PRSS50: variants seen among roughly 807,000 people sequenced by gnomAD.
The protein encoded by PRSS50 is serine protease 50, also known as probable threonine protease PRSS50.
PRSS50 carries 23 observed loss-of-function variants against 34.2 expected under a neutral mutation model. The observed-to-expected ratio is 0.67, with a 90% CI of 0.48 to 0.95. The LOEUF (loss-of-function observed/expected upper bound fraction) is 0.95, where lower values mean the gene tolerates loss of function less well. PRSS50 is among the 40% of genes least tolerant of loss of function. The pLI is 0.00. For missense variants in PRSS50, 484 were observed against 513.4 expected, an observed-to-expected ratio of 0.94 and a Z score of 0.55; for synonymous variants, 224 against 211.2, an observed-to-expected ratio of 1.06 and a Z score of -0.53.
chr3:46,713,452 G>A (rs1700644172), intron 4 of PRSS50, among the ~76,000 whole-genome samples: 1 of 152,226 alleles, frequency 6.6e-6, no homozygotes, highest in South Asian at 2.1e-4. Context: ...CCTCCATGGA[G>A]GCCAGGCACT....
chr3:46,714,563 T>C, intron 3 of PRSS50, 62 bp from the exon 4 acceptor site: 1 of 1,474,320 alleles, frequency 6.8e-7, no homozygotes, highest in Non-Finnish European at 9.0e-7. Flanking sequence ...GCCTCCAGCC[T>C]GGGCCTTCCC....
chr3:46,714,162 T>C, intron 4 of PRSS50, 56 bp downstream of exon 4: 13 of 1,576,394 alleles, frequency 8.2e-6, no homozygotes, highest in Admixed American at 1.7e-5. Context: ...CACCCTGGCC[T>C]GCACCCACGT....
intron 5 of PRSS50, 41 bp from the exon 6 acceptor site, chr3:46,712,523 G>A: frequency 1.3e-6 from 2 of 1,595,610 alleles, no homozygotes; most frequent in Non-Finnish European, 1.7e-6. Flanking sequence ...GGGAGGCCAG[G>A]CAAGGCCAGA....
rs1227096844 is a variant in PRSS50, at chr3:46,715,615, C to A, written c.390G>T (p.Val130=). ...VARRWPWMVS[V]RANGTHICAG... is the part of the protein sequence containing the mutation. ...CACAGATGTGTGTGCCATTGGCCCGCACGCTGACCATCCAGGGCCACCGCC... is the reference window on the plus strand; with the variant it reads ...CACAGATGTGTGTGCCATTGGCCCGAACGCTGACCATCCAGGGCCACCGCC... Residue 130 remains valine (V), a synonymous_variant, in exon 3 of 6, where the codon GTG becomes GTT. Coordinates refer to ENST00000315170, the MANE Select transcript of PRSS50 (RefSeq NM_013270.5). This position sits in a 1 kb window ranked among gnomAD's most constrained non-coding sequence, Gnocchi z 5.2. The A allele has an allele frequency of 6.2e-7, 1 of 1,613,122 alleles. No homozygotes were observed. Among genetic ancestry groups the A allele is most frequent in the Non-Finnish European group, 8.5e-7 (1 of 1,179,790 alleles).
chr3:46,713,051 G>A lies in PRSS50; in HGVS notation c.771C>T (p.Phe257=), dbSNP rs1180411885. 1.2e-6 allele frequency: 2 copies of A among 1,613,946 alleles called. No individual in the cohort carries two copies. The highest frequency in any genetic ancestry group is 2.2e-5 in the East Asian group (1 of 44,882). ...TGACTTCCTTCTCCTGAATGGTCCG[G>A]AACTGAGGCCACATGCCTGTGGGAC... ...LSKADGMWPQ[F]RTIQEKEVII... is the part of the protein sequence containing the mutation. The change falls in exon 5 of 6, where the codon TTC becomes TTT. Residue 257 remains phenylalanine, a synonymous_variant. Transcript: ENST00000315170.
At position 46,712,520 on chromosome 3, in the gene PRSS50, C is replaced by T. The variant is rs535649968; in HGVS notation, c.922-38G>A. 14 of 1,596,726 alleles carry T rather than the reference C, an allele frequency of 8.8e-6. No individual in the cohort carries two copies. In the South Asian group the frequency reaches 1.4e-4, roughly 16 times the overall value. ...TTGGGGGAGTAAGGGTCAGGGAGGC[C>T]AGGCAAGGCCAGAGACGACCCAGCT... is the stretch of plus-strand genomic sequence containing the variant. On this transcript the variant is annotated intron_variant, in intron 5 of 5. Coordinates refer to ENST00000315170, the MANE Select transcript of PRSS50 (RefSeq NM_013270.5).
Position 46,717,388 on chromosome 3 carries a change from TC to T in PRSS50, c.307+48del, listed in dbSNP as rs1196384943. ...TAGCCCCAGCCAAGGTCCTTAAGAC[TC>T]CTCTGTCACCCTCCTTGCCCCACGG... On this transcript the variant is annotated intron_variant, in intron 2 of 5. Coordinates refer to ENST00000315170, the MANE Select transcript of PRSS50 (RefSeq NM_013270.5). This position sits in a 1 kb window ranked among gnomAD's most constrained non-coding sequence, Gnocchi z 4.5. 1 of 1,599,896 alleles carries T rather than the reference TC, an allele frequency of 6.3e-7. No individual in the cohort carries two copies. The highest frequency in any genetic ancestry group is 1.3e-5 in the African/African-American group (1 of 74,446).
chr3:46,715,415 G>C lies in PRSS50; in HGVS notation c.470+120C>G, dbSNP rs1559498825. 7.6e-7 allele frequency: 1 copy of C among 1,314,980 alleles called. No homozygotes were observed. The highest frequency in any genetic ancestry group is 2.5e-5 in the East Asian group (1 of 40,094). 81.5% of individuals were successfully genotyped at this position (1,314,980 alleles called of 1,614,324 possible). On this transcript the variant is annotated intron_variant, in intron 3 of 5. Coordinates refer to ENST00000315170, the MANE Select transcript of PRSS50 (RefSeq NM_013270.5). This position sits in a 1 kb window ranked among gnomAD's most constrained non-coding sequence, Gnocchi z 5.2. ...TTCAGGACTCAGCCTCCACCTGCTT[G>C]GAGCCCAGATGAGGCTGGGGCTGGG...
At position 46,717,105 on chromosome 3, in the gene PRSS50, G is replaced by A. The variant is rs144612010; in HGVS notation, c.307+332C>T. On this transcript the variant is annotated intron_variant, in intron 2 of 5. Transcript: ENST00000315170. The surrounding 1 kb of genome is among the most constrained non-coding windows in gnomAD (Gnocchi z 4.5). ...AGCCTGGGTCAGAGGCATGATGGGT[G>A]TCAGGGCCTGGAGCAGGGTGAGAGG... Among the ~76,000 whole-genome samples the A allele has an allele frequency of 6.6e-6, 1 of 152,210 alleles. No homozygotes were observed. The highest frequency in any genetic ancestry group is 1.9e-4 in the East Asian group (1 of 5,182).
intron 4 of PRSS50, 142 bp downstream of exon 4, chr3:46,714,076 T>G: frequency 1.2e-5 from 13 of 1,101,404 alleles, no homozygotes; most frequent in Non-Finnish European, 1.5e-5. Context: ...ACCTCAGAGA[T>G]GAGAGCCTGG....
intron 3 of PRSS50, 106 bp from the exon 4 acceptor site, chr3:46,714,607 G>A (rs1700657775): frequency 7.6e-7 from 1 of 1,317,648 alleles, no homozygotes; most frequent in Non-Finnish European, 1.0e-6. Flanking sequence ...ATCCAGGAGG[G>A]GCCACCCACC....
chr3:46,712,637 C>T (rs1472191555), intron 5 of PRSS50, among the ~76,000 whole-genome samples, 155 bp from the exon 6 acceptor site: 1 of 151,920 alleles, frequency 6.6e-6, no homozygotes, highest in African/African-American at 2.4e-5. Context: ...AGCTCTTCCT[C>T]AAAGGGTTTC....
rs1479219751 is a variant in PRSS50 at position 46,712,496 on chromosome 3, T to TGGGGGAGTAAGGGTCAGGG, written c.922-33_922-15dup. The TGGGGGAGTAAGGGTCAGGG allele has an allele frequency of 6.2e-7, 1 of 1,613,082 alleles. No homozygotes were observed. ...TCCAGTTAGCTCCTGTGGGAAGGGTTGGGGGAGTAAGGGTCAGGGAGGCCA... is the reference window on the plus strand; with the variant it reads ...TCCAGTTAGCTCCTGTGGGAAGGGTTGGGGGAGTAAGGGTCAGGGGGGGGAGTAAGGGTCAGGGAGGCCA... On this transcript the variant is annotated splice_polypyrimidine_tract_variant and intron_variant, in intron 5 of 5. Transcript: ENST00000315170.
In PRSS50 at chr3:46,715,219, G is replaced by A. The variant is rs746260937; in HGVS notation, c.470+316C>T. Among the ~76,000 whole-genome samples the A allele has an allele frequency of 3.3e-5, 5 of 152,238 alleles. No individual in the cohort carries two copies. The highest frequency in any genetic ancestry group is 5.9e-5 in the Non-Finnish European group (4 of 68,044). Reference sequence around the variant, plus strand: ...GAGGAACAAGGATGTGGGTGCAAAGGGGGTGAAATGAAAGAACTAGGAGCT... The same window carrying A: ...GAGGAACAAGGATGTGGGTGCAAAGAGGGTGAAATGAAAGAACTAGGAGCT... On this transcript the variant is annotated intron_variant, in intron 3 of 5. Coordinates refer to ENST00000315170, the MANE Select transcript of PRSS50 (RefSeq NM_013270.5). This position sits in a 1 kb window ranked among gnomAD's most constrained non-coding sequence, Gnocchi z 5.2.
At chr3:46,714,090 G>A in intron 4 of PRSS50, 128 bp downstream of exon 4, 2 of 1,228,744 alleles carry the variant, frequency 1.6e-6, no homozygotes, top group Non-Finnish European at 2.2e-6. Flanking sequence ...AGCCTGGCAG[G>A]AAGGTCCCGG....
intron 5 of PRSS50, among the ~76,000 whole-genome samples, chr3:46,712,690 C>G (rs192166929): frequency 6.6e-6 from 1 of 150,636 alleles, no homozygotes; most frequent in South Asian, 2.1e-4. Context: ...CCCCACGGAC[C>G]CCCCACTCCT....
At chr3:46,714,930 C>T (rs114939014) in intron 3 of PRSS50, among the ~76,000 whole-genome samples, 252 of 152,338 alleles carry the variant, frequency 1.7e-3, no homozygotes, top group African/African-American at 5.6e-3. Context: ...TAGCTGCGCA[C>T]CCCGGGGTAC....
Position 46,714,428 on chromosome 3 carries a change from G to A in PRSS50, c.544C>T (p.Pro182Ser). 1 of 1,611,968 alleles carries A rather than the reference G, an allele frequency of 6.2e-7. No individual in the cohort carries two copies. Among genetic ancestry groups the A allele is most frequent in the Non-Finnish European group, 8.5e-7 (1 of 1,179,170 alleles). The change falls in exon 4 of 6, where the codon CCG becomes TCG. Residue 182 changes from proline to serine, a missense_variant. By Grantham distance (74) the Pro-to-Ser change is moderately conservative. Transcript: ENST00000315170. ...CTATGCATGATGACCTGGAGCACCG[G>A]GACATCGGAGGCGGTCTGCGTCATC... is the stretch of plus-strand genomic sequence containing the variant. The part of the protein sequence containing the change: ...DQMTQTASDV[P>S]VLQVIMHSRY...
rs1700668801 is a variant in PRSS50, at chr3:46,715,493, T to G, written c.470+42A>C. 6.3e-7 allele frequency: 1 copy of G among 1,585,668 alleles called. No homozygotes were observed. The highest frequency in any genetic ancestry group is 1.3e-5 in the African/African-American group (1 of 74,582). The stretch of plus-strand genomic sequence containing the variant: ...AGGGGATGACTGGGCCCACAGCAGC[T>G]CCAAATACCTCTCCACCCACCCCAC... On this transcript the variant is annotated intron_variant, in intron 3 of 5. Transcript: ENST00000315170. This position sits in a 1 kb window ranked among gnomAD's most constrained non-coding sequence, Gnocchi z 5.2.
Sources: allele counts gnomAD v4.1 joint callset (sites outside exome capture counted in the v4.1 genomes callset), GRCh38; gene constraint gnomAD v4.1.1; non-coding constraint Gnocchi (gnomAD v3.1); transcripts MANE v1.5; gene names NCBI Gene and HGNC (gene_info 2026-07-23, HGNC 2026-07-21).